Variants in GPC5 observed in about 807,000 individuals in gnomAD.
GPC5 encodes the protein glypican-5.
A neutral mutation model predicts 53.9 loss-of-function variants in GPC5; 47 were observed. The ratio of observed to expected loss-of-function variants is 0.87; its 90% CI spans 0.69 to 1.11. GPC5 has a LOEUF of 1.11. Ranked by LOEUF, GPC5 falls within the 50% of genes most tolerant of loss-of-function variation. The pLI is 0.00. For synonymous variants in GPC5, 286 were observed against 263.3 expected, an observed-to-expected ratio of 1.09 and a Z score of -0.84; for missense variants, 748 against 713.1, an observed-to-expected ratio of 1.05 and a Z score of -0.56.
chr13:92,489,839 A>G (rs1879694181), intron 7 of GPC5, among the ~76,000 whole-genome samples: 1 of 150,900 alleles, frequency 6.6e-6, no homozygotes. Flanking sequence ...CTCTTGGTTG[A>G]ATGTAAAAAA....
intron 7 of GPC5, among the ~76,000 whole-genome samples, chr13:92,663,863 T>C (rs1224737112): frequency 2.2e-4 from 1 of 4,590 alleles, no homozygotes; most frequent in African/African-American, 4.9e-4. Flanking sequence ...ACACTATATA[T>C]ATATATATAT....
intron 6 of GPC5, among the ~76,000 whole-genome samples, chr13:92,128,363 TTA>T (rs911118306): frequency 1.3e-5 from 2 of 152,176 alleles, no homozygotes; most frequent in African/African-American, 4.8e-5. Context: ...TCTAAAGCCT[TTA>T]TGATTTACAC....
chr13:91,959,694 C>T (rs1296613245), intron 6 of GPC5, among the ~76,000 whole-genome samples: 3 of 151,398 alleles, frequency 2.0e-5, no homozygotes, highest in South Asian at 2.1e-4. Flanking sequence ...GATAATATAC[C>T]GTGATTTCAA....
intron 2 of GPC5, among the ~76,000 whole-genome samples, chr13:91,499,209 C>T (rs372220488): frequency 4.8e-4 from 73 of 152,192 alleles, no homozygotes; most frequent in African/African-American, 1.7e-3. Context: ...GTTATTATCT[C>T]CAAGAGCAGG....
At chr13:91,853,171 G>T (rs1180282604) in intron 5 of GPC5, among the ~76,000 whole-genome samples, 1 of 152,000 alleles carries the variant, frequency 6.6e-6, no homozygotes, top group Non-Finnish European at 1.5e-5. Flanking sequence ...ATAGTAAGTT[G>T]ATATTAAATT....
In GPC5 at chr13:91,708,784, A is replaced by G. The variant is rs189929857; in HGVS notation, c.1020+14903A>G. Reference sequence around the variant, plus strand: ...CAGTATATGCCAGGAAGTAATTTCTATGTGTGGGTTTGTTCTTTCTGTTGG... The same window carrying G: ...CAGTATATGCCAGGAAGTAATTTCTGTGTGTGGGTTTGTTCTTTCTGTTGG... On this transcript the variant is annotated intron_variant, in intron 3 of 7. Transcript: ENST00000377067. 1.5e-3 allele frequency among the ~76,000 whole-genome samples: 236 copies of G among 152,274 alleles called. 2 individuals carry two copies. In the East Asian group the frequency reaches 0.04, roughly 26 times the overall value.
chr13:91,449,485 G>A (rs528461945), intron 2 of GPC5, among the ~76,000 whole-genome samples: 1 of 152,156 alleles, frequency 6.6e-6, no homozygotes, highest in Non-Finnish European at 1.5e-5. Flanking sequence ...GCATGCATTA[G>A]GTATTTGTCC....
chr13:91,990,176 A>G (rs1865769191), intron 6 of GPC5, among the ~76,000 whole-genome samples: 1 of 152,206 alleles, frequency 6.6e-6, no homozygotes, highest in South Asian at 2.1e-4. Context: ...TATTTTCACA[A>G]CAGTTGTACC....
rs2039573167 is a variant in GPC5, at chr13:91,907,979, T to C, written c.1323T>C (p.Ser441=). Residue 441 remains serine (S), a synonymous_variant, in exon 6 of 8, where the codon TCT becomes TCC. Coordinates refer to ENST00000377067, the MANE Select transcript of GPC5 (RefSeq NM_004466.6). ...RVVGNGIKAQ[S]GNPEVKVKGI... ...TTGGAAATGGAATCAAAGCCCAGTC[T>C]GGAAATCCTGAAGTCAAAGTCAAAG... is the stretch of plus-strand genomic sequence containing the variant. The C allele has an allele frequency of 1.3e-6, 2 of 1,595,050 alleles. No individual in the cohort carries two copies. The highest frequency in any genetic ancestry group is 1.7e-5 in the Admixed American group (1 of 59,692).
intron 7 of GPC5, among the ~76,000 whole-genome samples, chr13:92,157,992 A>G (rs1405741186): frequency 6.6e-6 from 1 of 152,214 alleles, no homozygotes; most frequent in South Asian, 2.1e-4. Flanking sequence ...GAGAAATATG[A>G]GGAATAAAGA....
rs139539074 is a variant in GPC5 at position 91,568,762 on chromosome 13, T to C, written c.325+119840T>C. On this transcript the variant is annotated intron_variant, in intron 2 of 7. Transcript: ENST00000377067. ...GTTATTTCTTTTTCTTTCTTTCTTTTTTTTTTTTTTCAGAAGGAGTCTCTC... is the reference window on the plus strand; with the variant it reads ...GTTATTTCTTTTTCTTTCTTTCTTTCTTTTTTTTTTCAGAAGGAGTCTCTC... 8.0e-3 allele frequency among the ~76,000 whole-genome samples: 1,204 copies of C among 151,356 alleles called. 17 individuals carry two copies. Among genetic ancestry groups the C allele is most frequent in the African/African-American group, 0.026 (1,083 of 41,428 alleles).
chr13:92,691,102 G>C (rs1302613878), intron 7 of GPC5, among the ~76,000 whole-genome samples: 1 of 92,076 alleles, frequency 1.1e-5, no homozygotes, highest in Non-Finnish European at 2.0e-5. Context: ...CACCCAGTTC[G>C]AGCTTCCAGG....
chr13:91,454,947 A>T (rs1881435714), intron 2 of GPC5, among the ~76,000 whole-genome samples: 1 of 151,948 alleles, frequency 6.6e-6, no homozygotes, highest in Non-Finnish European at 1.5e-5. Context: ...CATAGAAATG[A>T]CTCTTGAACG....
intron 5 of GPC5, among the ~76,000 whole-genome samples, chr13:91,791,249 G>A (rs2037959434): frequency 6.6e-6 from 1 of 152,186 alleles, no homozygotes; most frequent in South Asian, 2.1e-4. Context: ...AGGAACCTGG[G>A]CTCATATTGG....
chr13:92,127,433 G>T (rs753088780), intron 6 of GPC5, among the ~76,000 whole-genome samples: 24 of 151,930 alleles, frequency 1.6e-4, no homozygotes, highest in Non-Finnish European at 2.6e-4. Context: ...AAAATCCAAT[G>T]ATTTAAAATA....
chr13:92,507,080 G>A (rs994460248), intron 7 of GPC5, among the ~76,000 whole-genome samples: 4 of 152,106 alleles, frequency 2.6e-5, no homozygotes, highest in African/African-American at 7.2e-5. Context: ...GAATATTCTT[G>A]CCTCATTACT....
intron 7 of GPC5, among the ~76,000 whole-genome samples, chr13:92,355,289 TAA>T (rs386380217): frequency 7.0e-6 from 1 of 143,542 alleles, no homozygotes. Flanking sequence ...TATATAAAGC[TAA>T]AAAAAAAAAG....
intron 7 of GPC5, among the ~76,000 whole-genome samples, chr13:92,370,318 T>C (rs572982467): frequency 6.6e-6 from 1 of 152,328 alleles, no homozygotes; most frequent in African/African-American, 2.4e-5. Context: ...CTGCTTATTT[T>C]CCGTAATGTG....
chr13:92,098,550 G>A (rs577928935), intron 6 of GPC5, among the ~76,000 whole-genome samples: 1 of 152,238 alleles, frequency 6.6e-6, no homozygotes, highest in East Asian at 1.9e-4. Context: ...ATCATTGGAG[G>A]TTCCATAGAA....
Sources: allele counts gnomAD v4.1 joint callset (sites outside exome capture counted in the v4.1 genomes callset), GRCh38; gene constraint gnomAD v4.1.1; transcripts MANE v1.5; gene names NCBI Gene and HGNC (gene_info 2026-07-23, HGNC 2026-07-21).